RFXANK: variants seen among roughly 807,000 people sequenced by gnomAD.
The protein encoded by RFXANK is DNA-binding protein RFXANK.
Under a neutral mutation model 34.5 loss-of-function variants are expected in RFXANK, and 19 were observed. The ratio of observed to expected loss-of-function variants is 0.55; its 90% CI spans 0.38 to 0.81. The LOEUF (loss-of-function observed/expected upper bound fraction) is 0.81, where lower values mean the gene tolerates loss of function less well. Among genes scored for constraint, RFXANK ranks in the 30% least tolerant of loss-of-function variants. RFXANK has a pLI of 0.00. For missense variants in RFXANK, 295 were observed against 343.5 expected (o/e 0.86, Z 1.12); for synonymous variants, 154 against 149.8 (o/e 1.03, Z -0.20).
chr19:19,201,813 A>T lies in RFXANK; in HGVS notation c.*94A>T. On this transcript the variant is annotated 3_prime_UTR_variant, in exon 10 of 10. Coordinates refer to ENST00000303088, the MANE Select transcript of RFXANK (RefSeq NM_003721.4). Reference sequence around the variant, plus strand: ...CTGACTTCAAAGGCAGCTTCTGGACAGGTGGTGGGAGGGGACCCTTCCCAA... The same window carrying T: ...CTGACTTCAAAGGCAGCTTCTGGACTGGTGGTGGGAGGGGACCCTTCCCAA... 1 of 1,612,240 alleles carries T rather than the reference A, an allele frequency of 6.2e-7. No individual in the cohort carries two copies.
At chr19:19,197,688 CTG>C in intron 6 of RFXANK, 67 bp downstream of exon 6, 1 of 1,400,750 alleles carries the variant, frequency 7.1e-7, no homozygotes, top group Non-Finnish European at 1.0e-6. Flanking sequence ...GGGGTTTTGG[CTG>C]TGTCTGCTGG....
chr19:19,195,400 C>G (rs996050836), intron 3 of RFXANK, among the ~76,000 whole-genome samples: 1 of 151,650 alleles, frequency 6.6e-6, no homozygotes, highest in Non-Finnish European at 1.5e-5. Context: ...CTGCAACTCC[C>G]TCTCCTGGGT....
chr19:19,198,437 C>T (rs1338855288), intron 7 of RFXANK, among the ~76,000 whole-genome samples: 2 of 152,184 alleles, frequency 1.3e-5, no homozygotes, highest in Non-Finnish European at 2.9e-5. Flanking sequence ...AACTGCGCTG[C>T]GATGGCAGAT....
intron 3 of RFXANK, among the ~76,000 whole-genome samples, chr19:19,194,716 G>C (rs970010253): frequency 6.7e-6 from 1 of 150,024 alleles, no homozygotes. Flanking sequence ...TGGGAGGCTG[G>C]TCTCCACCTC....
rs145120166 is a variant in RFXANK at position 19,199,528 on chromosome 19, A to T, written c.712+294A>T. 3.3e-4 allele frequency among the ~76,000 whole-genome samples: 50 copies of T among 152,228 alleles called. 1 individual carries two copies. The highest frequency in any genetic ancestry group is 9.6e-4 in the African/African-American group (40 of 41,546). The stretch of plus-strand genomic sequence containing the variant: ...TCATCAAAGAGCCCCAAAGTGGCCA[A>T]CAGAAGTCAGAGAGGCTTCCTGGAG... On this transcript the variant is annotated intron_variant, in intron 9 of 9. Transcript: ENST00000303088.
rs908866622 is a variant in RFXANK, at chr19:19,198,050, C to G, written c.439-57C>G. On this transcript the variant is annotated intron_variant, in intron 6 of 9. Transcript: ENST00000303088. ...AAAGATGCGGCTGCTGTGGGTACCC[C>G]AGGATTCCTGGTTATGCCCCAATCC... 6.8e-6 allele frequency: 11 copies of G among 1,607,856 alleles called. No individual in the cohort carries two copies. The African/African-American group carries it at 1.3e-4, about 20-fold the overall frequency.
In RFXANK at chr19:19,199,218, C is replaced by T; in HGVS notation, c.696C>T (p.Ala232=). ...SGYTPMDLAV[A]LGYRKVQQVI... ...ACACCCCGATGGACCTTGCCGTGGC[C>T]CTGGGATACCGGAAAGGTCAGCCTG... The change falls in exon 9 of 10, where the codon GCC becomes GCT. Residue 232 remains alanine (A), a synonymous_variant. Transcript: ENST00000303088. 6.2e-7 allele frequency: 1 copy of T among 1,614,116 alleles called. No homozygotes were observed. Among genetic ancestry groups the T allele is most frequent in the Non-Finnish European group, 8.5e-7 (1 of 1,180,034 alleles).
In RFXANK at chr19:19,198,176, A is replaced by G; in HGVS notation, c.508A>G (p.Thr170Ala). Residue 170 changes from threonine to alanine, a missense_variant, in exon 7 of 10, where the codon ACA (threonine) becomes GCA (alanine). Physicochemically the swap from Thr to Ala is moderately conservative, Grantham distance 58. Coordinates refer to ENST00000303088, the MANE Select transcript of RFXANK (RefSeq NM_003721.4). ...ALSLASTGGY[T>A]DIVGLLLERD... is the part of the protein sequence containing the mutation. ...GTCGCTGGCCAGCACAGGCGGCTAC[A>G]CAGACATTGTGGGGCTGCTGCTGGA... 1 of 1,614,196 alleles carries G rather than the reference A, an allele frequency of 6.2e-7. No individual in the cohort carries two copies. Among genetic ancestry groups the G allele is most frequent in the Non-Finnish European group, 8.5e-7 (1 of 1,180,034 alleles).
intron 9 of RFXANK, 173 bp from the exon 10 acceptor site, chr19:19,201,476 A>T: frequency 6.3e-7 from 1 of 1,579,712 alleles, no homozygotes; most frequent in Non-Finnish European, 8.5e-7. Flanking sequence ...TTACAAACTT[A>T]GGGGAAGTTG....
intron 2 of RFXANK, 70 bp from the exon 3 acceptor site, chr19:19,193,869 C>T (rs2060545218): frequency 1.3e-6 from 2 of 1,531,748 alleles, no homozygotes; most frequent in Non-Finnish European, 1.8e-6. Flanking sequence ...GCTAGGTATG[C>T]AGTCGGTGCC....
At chr19:19,196,402 T>C (rs2060599605) in intron 3 of RFXANK, among the ~76,000 whole-genome samples, 1 of 150,580 alleles carries the variant, frequency 6.6e-6, no homozygotes, top group Non-Finnish European at 1.5e-5. Context: ...TCTACCAATA[T>C]ATATATATTT....
rs377348196 is a variant in RFXANK at position 19,201,644 on chromosome 19, C to A, written c.713-5C>A. 4.3e-6 allele frequency: 7 copies of A among 1,614,020 alleles called. No individual in the cohort carries two copies. The African/African-American group carries it at 8.0e-5, about 18-fold the overall frequency. On this transcript the variant is annotated splice_polypyrimidine_tract_variant and splice_region_variant and intron_variant, in intron 9 of 9. Transcript: ENST00000303088. ...ACAGCCCACCTTTTCCCTGCCCCAT[C>A]TCAGTGCAACAGGTGATCGAGAACC...
rs886433714 is a variant in RFXANK at position 19,192,331 on chromosome 19, G to A, written c.-373G>A. The A allele has an allele frequency of 8.1e-6, 5 of 617,016 alleles. No homozygotes were observed. The highest frequency in any genetic ancestry group is 1.1e-5 in the Non-Finnish European group (4 of 356,222). 38.2% of individuals were successfully genotyped at this position (617,016 alleles called of 1,614,324 possible). A position where few individuals can be genotyped will look rare whatever the true frequency, so the allele number is the denominator to read the frequency against. On this transcript the variant is annotated 5_prime_UTR_variant, in exon 1 of 10. Coordinates refer to ENST00000303088, the MANE Select transcript of RFXANK (RefSeq NM_003721.4). The stretch of plus-strand genomic sequence containing the variant: ...CCCGGGGGTGGCGCAGTGAGGAGGG[G>A]GCGCGACGGCCAGGAGGCTGGTGGA...
intron 3 of RFXANK, among the ~76,000 whole-genome samples, chr19:19,195,713 T>C (rs1041041161): frequency 1.3e-5 from 2 of 151,764 alleles, no homozygotes; most frequent in Admixed American, 6.6e-5. Flanking sequence ...TCCGTTCTTT[T>C]CATCCTCTTC....
At chr19:19,197,979 TCCAGC>T (rs1042539643) in intron 6 of RFXANK, 123 bp from the exon 7 acceptor site, 139 of 1,333,818 alleles carry the variant, frequency 1.0e-4, no homozygotes, top group Non-Finnish European at 1.4e-4. Context: ...GCCACTGCAC[TCCAGC>T]CTGGGCAACA....
At chr19:19,198,819 G>A (rs1440125715) in intron 8 of RFXANK, 96 bp downstream of exon 8, 31 of 1,261,934 alleles carry the variant, frequency 2.5e-5, no homozygotes, top group Non-Finnish European at 3.3e-5. Flanking sequence ...GTTGCTTGAA[G>A]AGTTCTTGGA....
chr19:19,199,005 T>TTGGACCCTTGTCAAAGGC (rs1157952399), intron 8 of RFXANK, 149 bp from the exon 9 acceptor site: 1 of 817,262 alleles, frequency 1.2e-6, no homozygotes, highest in South Asian at 1.4e-5. Flanking sequence ...ATAGCAGAGG[T>TTGGACCCTTGTCAAAGGC]TGGACCCTTG....
intron 9 of RFXANK, among the ~76,000 whole-genome samples, chr19:19,199,969 C>T (rs2060674723): frequency 6.6e-6 from 1 of 152,070 alleles, no homozygotes; most frequent in African/African-American, 2.4e-5. Context: ...GAAATCATTC[C>T]TCTTCCCTCC....
intron 7 of RFXANK, 80 bp downstream of exon 7, chr19:19,198,312 G>A (rs2060637871): frequency 1.1e-5 from 17 of 1,586,044 alleles, no homozygotes; most frequent in Non-Finnish European, 1.5e-5. Context: ...GTACTTGAAA[G>A]GTGCAGGCCT....
Sources: gnomAD v4.1 joint callset for allele counts (sites outside exome capture counted in the v4.1 genomes callset) on GRCh38, gnomAD v4.1.1 for gene constraint, MANE v1.5 for transcripts, NCBI Gene and HGNC (gene_info 2026-07-23, HGNC 2026-07-21) for gene names.